The following ACAP2 variants were observed in gnomAD, a reference collection of about 807,000 sequenced individuals.
The protein encoded by ACAP2 is ArfGAP with coiled-coil, ankyrin repeat and PH domains 2.
ACAP2 carries 39 observed loss-of-function variants against 115.8 expected under a neutral mutation model. The ratio of observed to expected loss-of-function variants is 0.34; its 90% confidence interval spans 0.26 to 0.44. ACAP2 has a LOEUF of 0.44. Among genes scored for constraint, ACAP2 ranks in the 20% least tolerant of loss-of-function variants. The pLI, the probability that ACAP2 is intolerant of heterozygous loss-of-function variation, is 1.00. For missense variants in ACAP2, 662 were observed against 927.6 expected (o/e 0.71, Z 3.72); for synonymous variants, 289 against 315.8 (o/e 0.92, Z 0.90).
At chr3:195,298,010 A>T (rs1215763260) in intron 15 of ACAP2, among the ~76,000 whole-genome samples, 2 of 152,174 alleles carry the variant, frequency 1.3e-5, no homozygotes, top group Non-Finnish European at 2.9e-5. Flanking sequence ...CCAAGAGCAG[A>T]TCACCCAAAC....
intron 18 of ACAP2, among the ~76,000 whole-genome samples, 179 bp downstream of exon 18, chr3:195,294,540 T>A (rs1157414783): frequency 7.2e-6 from 1 of 138,428 alleles, no homozygotes; most frequent in Admixed American, 8.0e-5. Flanking sequence ...ATCGTACCGC[T>A]GCACTCCAGC....
At chr3:195,297,512 C>G (rs962140006) in intron 15 of ACAP2, among the ~76,000 whole-genome samples, 1 of 152,186 alleles carries the variant, frequency 6.6e-6, no homozygotes, top group Non-Finnish European at 1.5e-5. Context: ...TTATCACCCC[C>G]ACCAGAGTCA....
At chr3:195,384,724 C>CA (rs11283969) in intron 2 of ACAP2, among the ~76,000 whole-genome samples, 24 of 149,258 alleles carry the variant, frequency 1.6e-4, no homozygotes, top group African/African-American at 3.7e-4. Context: ...GAGGCTGTCT[C>CA]AAAAAAAAAA....
intron 4 of ACAP2, among the ~76,000 whole-genome samples, chr3:195,369,441 T>C (rs540351621): frequency 6.6e-6 from 1 of 152,154 alleles, no homozygotes; most frequent in Non-Finnish European, 1.5e-5. Context: ...CCTCAAGGGC[T>C]TCAGGGACAG....
chr3:195,439,622 TG>T (rs1274636140), intron 1 of ACAP2, among the ~76,000 whole-genome samples: 1 of 150,624 alleles, frequency 6.6e-6, no homozygotes, highest in Non-Finnish European at 1.5e-5. Context: ...TGGGTTTTTT[TG>T]TTTTTTTTGT....
chr3:195,420,450 G>A (rs1560352678), intron 1 of ACAP2, among the ~76,000 whole-genome samples: 3 of 152,022 alleles, frequency 2.0e-5, no homozygotes, highest in Admixed American at 6.6e-5. Flanking sequence ...CCGGGTTCAC[G>A]CCATTCTCCT....
chr3:195,301,118 C>G (rs1214309564), intron 15 of ACAP2, among the ~76,000 whole-genome samples: 1 of 150,866 alleles, frequency 6.6e-6, no homozygotes, highest in Admixed American at 6.6e-5. Flanking sequence ...GACGGAGTCT[C>G]TCTGTTACCC....
At chr3:195,370,360 T>C (rs1733040346) in intron 4 of ACAP2, among the ~76,000 whole-genome samples, 1 of 152,098 alleles carries the variant, frequency 6.6e-6, no homozygotes, top group Admixed American at 6.6e-5. Flanking sequence ...TCTTCCAGGG[T>C]TTTTACAGTT....
chr3:195,290,990 G>C (rs1052208674), intron 20 of ACAP2, among the ~76,000 whole-genome samples: 2 of 152,064 alleles, frequency 1.3e-5, no homozygotes, highest in Non-Finnish European at 2.9e-5. Context: ...CTCCTGCCTA[G>C]GCAACAGGGC....
intron 4 of ACAP2, among the ~76,000 whole-genome samples, chr3:195,347,663 A>C (rs1731271259): frequency 6.6e-6 from 1 of 152,202 alleles, no homozygotes; most frequent in African/African-American, 2.4e-5. Flanking sequence ...AATTAACTTA[A>C]ACATACAAAT....
At chr3:195,341,827 A>G (rs1315063551) in intron 6 of ACAP2, among the ~76,000 whole-genome samples, 2 of 152,200 alleles carry the variant, frequency 1.3e-5, no homozygotes, top group Non-Finnish European at 2.9e-5. Flanking sequence ...GAACACCACA[A>G]ATGTCTGTTA....
chr3:195,367,371 G>A (rs6437375), intron 4 of ACAP2, among the ~76,000 whole-genome samples: 42,502 of 152,008 alleles, frequency 0.28, 6,769 homozygotes, highest in East Asian at 0.71. Context: ...ATCACCTGGG[G>A]AGATTTTTTC....
chr3:195,361,168 C>T (rs1410974892), intron 4 of ACAP2, among the ~76,000 whole-genome samples: 2 of 152,122 alleles, frequency 1.3e-5, no homozygotes, highest in Non-Finnish European at 2.9e-5. Context: ...GGCACAGTGG[C>T]TCAGGCCTAT....
At chr3:195,381,851 T>C (rs1733959634) in intron 3 of ACAP2, 52 bp downstream of exon 3, 1 of 1,553,582 alleles carries the variant, frequency 6.4e-7, no homozygotes, top group Admixed American at 2.2e-5. Context: ...AATTCTTTAA[T>C]GTCTTATTGC....
At position 195,441,609 on chromosome 3, in the gene ACAP2, T is replaced by C. The variant is rs188661628; in HGVS notation, c.53+1186A>G. Among the ~76,000 whole-genome samples the C allele has an allele frequency of 2.6e-5, 4 of 152,294 alleles. No homozygotes were observed. In the East Asian group the frequency reaches 7.7e-4, roughly 29 times the overall value. On this transcript the variant is annotated intron_variant, in intron 1 of 22. Transcript: ENST00000326793. ...CAGTGTTAAGGATGAGAACAGTTAG[T>C]TCCCAGGCAGAGGATGCAATTTACA...
chr3:195,379,632 A>G (rs1733814768), intron 4 of ACAP2, among the ~76,000 whole-genome samples: 1 of 152,138 alleles, frequency 6.6e-6, no homozygotes, highest in Non-Finnish European at 1.5e-5. Flanking sequence ...ATCTCTACCA[A>G]AAACAAACAA....
intron 4 of ACAP2, among the ~76,000 whole-genome samples, chr3:195,348,016 C>G (rs573335688): frequency 1.4e-5 from 2 of 144,432 alleles, no homozygotes; most frequent in Non-Finnish European, 3.0e-5. Flanking sequence ...GATCCTATCT[C>G]GAAAGAAAAG....
chr3:195,428,097 C>T (rs1240767197), intron 1 of ACAP2, among the ~76,000 whole-genome samples: 1 of 151,352 alleles, frequency 6.6e-6, no homozygotes, highest in African/African-American at 2.4e-5. Flanking sequence ...TCAACATGTC[C>T]AAAACAGGAC....
chr3:195,329,318 G>A lies in ACAP2; in HGVS notation c.670-2359C>T, dbSNP rs1365075943. 2.6e-5 allele frequency among the ~76,000 whole-genome samples: 4 copies of A among 152,176 alleles called. No individual in the cohort carries two copies. The East Asian group carries it at 5.8e-4, about 22-fold the overall frequency. On this transcript the variant is annotated intron_variant, in intron 8 of 22. Transcript: ENST00000326793. ...CTTGGAGCAGAGTAAAAAGGGTCCC[G>A]TGTTTGTGTTAGTACTGGACATTAT...
Sources: gnomAD v4.1 joint callset for allele counts (sites outside exome capture counted in the v4.1 genomes callset) on GRCh38, gnomAD v4.1.1 for gene constraint, MANE v1.5 for transcripts, NCBI Gene and HGNC (gene_info 2026-07-23, HGNC 2026-07-21) for gene names.